Variants in NEIL3 observed in about 807,000 individuals in gnomAD.
NEIL3 encodes the protein nei like DNA glycosylase 3, also known as endonuclease 8-like 3.
Under a neutral mutation model 57.5 loss-of-function variants are expected in NEIL3, and 48 were observed. That is an observed-to-expected ratio of 0.83 (90% CI 0.66 to 1.06). NEIL3 has a LOEUF of 1.06. Among genes scored for constraint, NEIL3 ranks in the 50% least tolerant of loss-of-function variants. The pLI, the probability that NEIL3 is intolerant of heterozygous loss-of-function variation, is 0.00. For missense variants in NEIL3, 717 were observed against 739.1 expected (o/e 0.97, Z 0.35); for synonymous variants, 261 against 253.2 (o/e 1.03, Z -0.29).
At chr4:177,323,435 T>A (rs1215226271) in intron 2 of NEIL3, among the ~76,000 whole-genome samples, 1 of 152,180 alleles carries the variant, frequency 6.6e-6, no homozygotes, top group Non-Finnish European at 1.5e-5. Flanking sequence ...GAGATGATAC[T>A]ATATGATTGT....
In NEIL3 at chr4:177,353,335, C is replaced by A. The variant is rs1437798093; in HGVS notation, c.1067C>A (p.Ser356Tyr). The change falls in exon 8 of 10, where the codon TCT becomes TAT. Residue 356 changes from serine to tyrosine, a missense_variant. Coordinates refer to ENST00000264596, the MANE Select transcript of NEIL3 (RefSeq NM_018248.3). ...TCAGTGCTCAAGAGTGAAGAAAATT[C>A]TACTGTCTTTAGCCACTTAATGAAG... is the stretch of plus-strand genomic sequence containing the variant. ...IDSVLKSEEN[S>Y]TVFSHLMKYP... The A allele has an allele frequency of 6.2e-7, 1 of 1,612,816 alleles. No homozygotes were observed. The highest frequency in any genetic ancestry group is 1.3e-5 in the African/African-American group (1 of 74,886).
At chr4:177,369,881 T>C in the NEIL3 span, among the ~76,000 whole-genome samples, 1 of 152,162 alleles carries the variant, frequency 6.6e-6, no homozygotes, top group African/African-American at 2.4e-5. Flanking sequence ...GCATTGGCAG[T>C]TAAAGCTCTT....
At chr4:177,363,787 G>C (rs1735654249), downstream of NEIL3, among the ~76,000 whole-genome samples, 2 of 151,952 alleles carry the variant, frequency 1.3e-5, no homozygotes, top group Non-Finnish European at 2.9e-5. Context: ...GTCTCACTCT[G>C]TCCCCCAGGC....
intron 4 of NEIL3, among the ~76,000 whole-genome samples, chr4:177,338,013 GTC>G (rs749630205): frequency 1.8e-3 from 255 of 141,746 alleles, no homozygotes; most frequent in African/African-American, 4.8e-3. Flanking sequence ...GCGAGACTCT[GTC>G]TCTCTCTCTC....
intron 6 of NEIL3, chr4:177,343,468 C>T (rs1735140074): frequency 1.3e-5 from 2 of 152,392 alleles, no homozygotes; most frequent in African/African-American, 2.4e-5. Context: ...CAGGGCACCA[C>T]TCGGCTGTGG....
intron 5 of NEIL3, among the ~76,000 whole-genome samples, chr4:177,340,695 A>G (rs1436908226): frequency 6.6e-6 from 1 of 152,190 alleles, no homozygotes; most frequent in African/African-American, 2.4e-5. Flanking sequence ...GGGTCTTTCA[A>G]TACTTTCCTT....
intron 6 of NEIL3, 44 bp from the exon 7 acceptor site, chr4:177,351,336 C>A: frequency 7.6e-7 from 1 of 1,322,250 alleles, no homozygotes. Context: ...CAGACAAGAA[C>A]AAGGCAATAA....
intron 8 of NEIL3, among the ~76,000 whole-genome samples, chr4:177,354,773 C>T (rs1299740468): frequency 1.3e-5 from 2 of 152,146 alleles, no homozygotes; most frequent in Non-Finnish European, 1.5e-5. Flanking sequence ...TGAGCCACTA[C>T]GCCTGGCGTT....
intron 8 of NEIL3, among the ~76,000 whole-genome samples, chr4:177,359,409 A>C (rs1735560168): frequency 6.6e-6 from 1 of 152,180 alleles, no homozygotes; most frequent in African/African-American, 2.4e-5. Flanking sequence ...TTAATCACAA[A>C]TAAGAGATTG....
chr4:177,334,246 G>T (rs529935742), intron 2 of NEIL3, among the ~76,000 whole-genome samples: 8 of 151,854 alleles, frequency 5.3e-5, no homozygotes, highest in Non-Finnish European at 1.2e-4. Context: ...TAAGATCAAA[G>T]GTACTTAGTA....
chr4:177,328,082 C>A (rs144457333), intron 2 of NEIL3, among the ~76,000 whole-genome samples: 4 of 152,196 alleles, frequency 2.6e-5, no homozygotes, highest in Non-Finnish European at 5.9e-5. Context: ...ATCTGATATT[C>A]CAGAAACATT....
chr4:177,356,153 C>T (rs550967061), intron 8 of NEIL3, among the ~76,000 whole-genome samples: 5 of 152,136 alleles, frequency 3.3e-5, no homozygotes, highest in Non-Finnish European at 7.3e-5. Flanking sequence ...AATATTGTGG[C>T]ATTTGTTGTA....
downstream of NEIL3, among the ~76,000 whole-genome samples, chr4:177,363,095 T>C (rs1019673441): frequency 1.3e-5 from 2 of 152,204 alleles, no homozygotes; most frequent in African/African-American, 4.8e-5. Flanking sequence ...AGAACTTGCG[T>C]GTAGGCGTTT....
At chr4:177,357,015 T>C (rs2110938138) in intron 8 of NEIL3, 1 of 152,356 alleles carries the variant, frequency 6.6e-6, no homozygotes, top group East Asian at 1.9e-4. Flanking sequence ...GTCAGGGATG[T>C]TGAAGATCTG....
chr4:177,351,140 G>T (rs1735339937), intron 6 of NEIL3, among the ~76,000 whole-genome samples: 1 of 134,600 alleles, frequency 7.4e-6, no homozygotes, highest in Non-Finnish European at 1.5e-5. Context: ...GGAGTTCGAG[G>T]CTGCAGTGAA....
chr4:177,354,701 C>G (rs562166478), intron 8 of NEIL3, among the ~76,000 whole-genome samples: 4 of 152,180 alleles, frequency 2.6e-5, no homozygotes, highest in South Asian at 2.1e-4. Flanking sequence ...AGGCTGGTCT[C>G]GAACTCCTGA....
At chr4:177,349,823 G>A (rs1370805646) in intron 6 of NEIL3, among the ~76,000 whole-genome samples, 1 of 152,134 alleles carries the variant, frequency 6.6e-6, no homozygotes, top group Non-Finnish European at 1.5e-5. Context: ...TTATGATCAG[G>A]GAAACTTTTA....
chr4:177,365,302 G>A (rs554971996), downstream of NEIL3, among the ~76,000 whole-genome samples: 97 of 152,268 alleles, frequency 6.4e-4, 1 homozygote, highest in African/African-American at 2.2e-3. Flanking sequence ...CCTGGCCAGG[G>A]AGAGTTCCCA....
the NEIL3 span, among the ~76,000 whole-genome samples, chr4:177,368,973 C>G: frequency 5.3e-5 from 8 of 152,164 alleles, no homozygotes; most frequent in Admixed American, 5.2e-4. Flanking sequence ...TTACAATGCC[C>G]ATGACTTTGT....
Sources: gnomAD v4.1 joint callset for allele counts (sites outside exome capture counted in the v4.1 genomes callset) on GRCh38, gnomAD v4.1.1 for gene constraint, MANE v1.5 for transcripts, NCBI Gene and HGNC (gene_info 2026-07-23, HGNC 2026-07-21) for gene names.